VPS8: variants seen among roughly 807,000 people sequenced by gnomAD.
VPS8 encodes VPS8 subunit of CORVET complex.
Under a neutral mutation model 216.4 loss-of-function variants are expected in VPS8, and 129 were observed. The ratio of observed to expected loss-of-function variants is 0.60; its 90% CI spans 0.52 to 0.69. VPS8 has a LOEUF of 0.69. Among genes scored for constraint, VPS8 ranks in the 30% least tolerant of loss-of-function variants. The pLI, the probability that VPS8 is intolerant of heterozygous loss-of-function variation, is 0.00. For missense variants in VPS8, 1,531 were observed against 1,683.5 expected (o/e 0.91, Z 1.59); for synonymous variants, 571 against 565.4 (o/e 1.01, Z -0.14).
At chr3:184,999,662 T>C (rs769237332) in intron 44 of VPS8, 34 bp from the exon 45 acceptor site, 1 of 1,572,672 alleles carries the variant, frequency 6.4e-7, no homozygotes, top group Non-Finnish European at 8.6e-7. Context: ...TTTGTGATAA[T>C]AAAAAGTACA....
At chr3:184,816,948 G>A (rs1323138438) in intron 1 of VPS8, among the ~76,000 whole-genome samples, 1 of 152,058 alleles carries the variant, frequency 6.6e-6, no homozygotes, top group Non-Finnish European at 1.5e-5. Context: ...TCTCCTTCCC[G>A]TTGCTGAAGA....
chr3:184,910,017 C>T (rs1027124512), intron 25 of VPS8, among the ~76,000 whole-genome samples: 2 of 151,730 alleles, frequency 1.3e-5, no homozygotes, highest in African/African-American at 4.8e-5. Flanking sequence ...TTCTGGATGG[C>T]TGATCTGCTT....
At chr3:184,981,598 T>C (rs1178513448) in intron 40 of VPS8, among the ~76,000 whole-genome samples, 3 of 151,954 alleles carry the variant, frequency 2.0e-5, no homozygotes, top group Admixed American at 2.0e-4. Context: ...CACGCCTGGC[T>C]AATTTTTTTG....
chr3:184,952,579 G>C (rs1316440096), intron 36 of VPS8, among the ~76,000 whole-genome samples: 5 of 152,158 alleles, frequency 3.3e-5, no homozygotes, highest in African/African-American at 4.8e-5. Context: ...ACGCTGAGTA[G>C]AGTAGCTAAG....
intron 29 of VPS8, among the ~76,000 whole-genome samples, chr3:184,923,710 A>G (rs1299547098): frequency 6.6e-6 from 1 of 152,074 alleles, no homozygotes; most frequent in Admixed American, 6.6e-5. Flanking sequence ...ATGCTGCTGC[A>G]TTCTAATAAA....
intron 36 of VPS8, among the ~76,000 whole-genome samples, chr3:184,949,865 G>A (rs896804315): frequency 7.4e-5 from 11 of 147,840 alleles, no homozygotes; most frequent in Non-Finnish European, 1.7e-4. Flanking sequence ...CAACTATAGG[G>A]AAAATAGGGG....
At chr3:185,046,497 C>T (rs1275629522) in intron 46 of VPS8, among the ~76,000 whole-genome samples, 5 of 152,118 alleles carry the variant, frequency 3.3e-5, no homozygotes. Context: ...GCCCTTTGAT[C>T]AATTGGAACA....
At chr3:184,835,213 G>A (rs1720807184) in intron 5 of VPS8, among the ~76,000 whole-genome samples, 1 of 151,776 alleles carries the variant, frequency 6.6e-6, no homozygotes, top group African/African-American at 2.4e-5. Flanking sequence ...TGGAAACTAG[G>A]TAAAGCTGTA....
In VPS8 at chr3:184,848,493, T is replaced by C. The variant is rs186195960; in HGVS notation, c.542-578T>C. On this transcript the variant is annotated intron_variant, in intron 8 of 47. Transcript: ENST00000625842. ...TTTGTTTAAGGAGATACAGATTACATGTGGATTTTTTGGCTTATCATTAGC... is the reference window on the plus strand; with the variant it reads ...TTTGTTTAAGGAGATACAGATTACACGTGGATTTTTTGGCTTATCATTAGC... 1.2e-3 allele frequency among the ~76,000 whole-genome samples: 183 copies of C among 151,984 alleles called. 4 individuals are homozygous for C. The East Asian group carries it at 0.027, about 22-fold the overall frequency.
intron 25 of VPS8, among the ~76,000 whole-genome samples, chr3:184,910,617 G>T (rs1037108171): frequency 4.6e-5 from 7 of 152,224 alleles, no homozygotes; most frequent in Non-Finnish European, 8.8e-5. Flanking sequence ...GATGTGGGCA[G>T]ACAATTTGGG....
rs371852946 is a variant in VPS8, at chr3:185,048,573, G to A, written c.4137+14G>A. Reference sequence around the variant, plus strand: ...GGAAGCTCCAGGGTAATGTTTGCGTGGTTGTTTATATTTTTATTTCCCTAT... The same window carrying A: ...GGAAGCTCCAGGGTAATGTTTGCGTAGTTGTTTATATTTTTATTTCCCTAT... On this transcript the variant is annotated intron_variant, in intron 47 of 47. Coordinates refer to ENST00000625842, the MANE Select transcript of VPS8 (RefSeq NM_001009921.3). The A allele has an allele frequency of 2.5e-6, 4 of 1,613,194 alleles. No homozygotes were observed. Among genetic ancestry groups the A allele is most frequent in the Non-Finnish European group, 3.4e-6 (4 of 1,179,716 alleles).
intron 13 of VPS8, 50 bp downstream of exon 13, chr3:184,854,223 G>A (rs749760563): frequency 1.3e-6 from 2 of 1,594,760 alleles, no homozygotes; most frequent in African/African-American, 2.7e-5. Flanking sequence ...CATGTCAGGA[G>A]GTTGAGAGAG....
At position 184,940,236 on chromosome 3, in the gene VPS8, G is replaced by T; in HGVS notation, c.3028G>T (p.Asp1010Tyr). ...TTTCAAATTTTTGAGGAGTCTTCTT[G>T]ACCCAAGGTATGTTGACAAACTTTA... Reference protein sequence around the residue: ...LLFKFLRSLLDPREGIHVNQE... With the variant: ...LLFKFLRSLLYPREGIHVNQE... Residue 1010 changes from aspartate to tyrosine, a missense_variant, in exon 36 of 48, where the codon GAC becomes TAC. Around this residue, in one of 3 missense-constraint regions of VPS8, gnomAD observed 1,318 missense variants for 1,468.4 expected, o/e 0.90. Coordinates refer to ENST00000625842, the MANE Select transcript of VPS8 (RefSeq NM_001009921.3). 6.8e-7 allele frequency: 1 copy of T among 1,461,010 alleles called. No homozygotes were observed. The highest frequency in any genetic ancestry group is 1.5e-5 in the South Asian group (1 of 68,672). The allele number at this position is 1,461,010 out of a possible 1,614,324, so 90.5% of individuals were successfully genotyped here.
intron 22 of VPS8, among the ~76,000 whole-genome samples, chr3:184,891,821 A>G (rs1252901028): frequency 6.6e-6 from 1 of 152,196 alleles, no homozygotes; most frequent in Non-Finnish European, 1.5e-5. Flanking sequence ...TATATTTAGT[A>G]TGGATTGGCA....
chr3:184,922,750 A>C (rs1738860350), intron 29 of VPS8, among the ~76,000 whole-genome samples: 1 of 152,000 alleles, frequency 6.6e-6, no homozygotes, highest in Non-Finnish European at 1.5e-5. Context: ...GTGACCAGAG[A>C]ACAGGCCAGT....
At chr3:184,846,745 G>C (rs1455424892) in intron 8 of VPS8, among the ~76,000 whole-genome samples, 1 of 152,214 alleles carries the variant, frequency 6.6e-6, no homozygotes, top group Non-Finnish European at 1.5e-5. Context: ...CAGTCCATCT[G>C]TTACCTATAC....
chr3:185,027,292 G>T (rs1157919209), intron 46 of VPS8, among the ~76,000 whole-genome samples: 1 of 135,432 alleles, frequency 7.4e-6, no homozygotes, highest in African/African-American at 2.8e-5. Context: ...GCCCAGGCTA[G>T]AGTGCAGCGG....
rs369116221 is a variant in VPS8 at position 185,019,704 on chromosome 3, T to G, written c.4003-4632T>G. Among the ~76,000 whole-genome samples, 573 of 152,294 alleles carry G rather than the reference T, an allele frequency of 3.8e-3. 3 individuals are homozygous for G. Among genetic ancestry groups the G allele is most frequent in the African/African-American group, 0.013 (550 of 41,560 alleles). ...CTGGTAAACCCACAACCTTCCAGCG[T>G]GGGCGTCATGGCCATCACGAGCATG... is the stretch of plus-strand genomic sequence containing the variant. On this transcript the variant is annotated intron_variant, in intron 45 of 47. Transcript: ENST00000625842.
chr3:184,852,094 G>T (rs1420010787), intron 10 of VPS8, among the ~76,000 whole-genome samples: 1 of 152,192 alleles, frequency 6.6e-6, no homozygotes, highest in Non-Finnish European at 1.5e-5. Flanking sequence ...ATTTCTCAAA[G>T]ATACCAAGTA....
Sources: allele counts gnomAD v4.1 joint callset (sites outside exome capture counted in the v4.1 genomes callset), GRCh38; gene constraint gnomAD v4.1.1; regional missense constraint gnomAD v4.1.1; transcripts MANE v1.5; gene names NCBI Gene and HGNC (gene_info 2026-07-23, HGNC 2026-07-21).